PRKRIP1: variants seen among roughly 807,000 people sequenced by gnomAD.
PRKRIP1 encodes PRKR interacting protein 1, also known as PRKR-interacting protein 1.
In PRKRIP1, 29 loss-of-function variants were observed where a neutral mutation model predicts 29.3. The observed-to-expected ratio is 0.99, with a 90% CI of 0.74 to 1.35. PRKRIP1 has a LOEUF of 1.35. PRKRIP1 is among the 40% of genes most tolerant of loss of function. PRKRIP1 has a pLI of 0.00. For missense variants in PRKRIP1, 247 were observed against 236.8 expected, an observed-to-expected ratio of 1.04 and a Z score of -0.28; for synonymous variants, 90 against 85.1, an observed-to-expected ratio of 1.06 and a Z score of -0.32.
At chr7:102,399,492 G>A in intron 2 of PRKRIP1, 56 bp from the exon 3 acceptor site, 2 of 1,405,122 alleles carry the variant, frequency 1.4e-6, no homozygotes, top group South Asian at 1.2e-5. Flanking sequence ...TCGATTAAGG[G>A]TGACCTGTGT....
At chr7:102,407,764 G>T (rs1770532631) in intron 5 of PRKRIP1, among the ~76,000 whole-genome samples, 2 of 151,858 alleles carry the variant, frequency 1.3e-5, no homozygotes, top group South Asian at 4.1e-4. Flanking sequence ...TGACATTATT[G>T]GTTATTGACA....
chr7:102,419,542 T>G (rs1232874114), intron 5 of PRKRIP1, among the ~76,000 whole-genome samples: 1 of 152,170 alleles, frequency 6.6e-6, no homozygotes, highest in African/African-American at 2.4e-5. Context: ...CTAAAACAAT[T>G]CCGTGTTTCC....
intron 5 of PRKRIP1, among the ~76,000 whole-genome samples, chr7:102,410,216 T>A (rs1796344389): frequency 6.6e-6 from 1 of 152,192 alleles, no homozygotes; most frequent in Admixed American, 6.5e-5. Flanking sequence ...CTTGGCTGTC[T>A]TTCTTGGGCA....
intron 5 of PRKRIP1, among the ~76,000 whole-genome samples, chr7:102,418,451 C>G (rs1212428486): frequency 2.0e-5 from 3 of 152,174 alleles, no homozygotes; most frequent in African/African-American, 4.8e-5. Context: ...TAGGCTCTCT[C>G]AGCTGACAGA....
chr7:102,396,451 C>T lies in PRKRIP1; in HGVS notation c.40C>T (p.Pro14Ser), dbSNP rs1795898908. ...CGCCTCCTCGGTGCGACCACCGAGG[C>T]CCAAGAAAGAGCCGCAGACGCTCGT... ...PAASSVRPPR[P>S]KKEPQTLVIP... The change falls in exon 1 of 6, where the codon CCC (proline) becomes TCC (serine). Residue 14 changes from proline (P) to serine (S), a missense_variant. This residue lies in a region of PRKRIP1 where 105 missense variants were observed against 80.2 expected (regional missense o/e 1.31). Coordinates refer to ENST00000397912, the MANE Select transcript of PRKRIP1 (RefSeq NM_024653.4). The T allele has an allele frequency of 6.2e-7, 1 of 1,606,136 alleles. No homozygotes were observed. The highest frequency in any genetic ancestry group is 1.3e-5 in the African/African-American group (1 of 74,564).
At chr7:102,412,083 A>G (rs1326980427) in intron 5 of PRKRIP1, among the ~76,000 whole-genome samples, 1 of 151,328 alleles carries the variant, frequency 6.6e-6, no homozygotes, top group Non-Finnish European at 1.5e-5. Context: ...GTGTTTCACC[A>G]TGTTGGCCAG....
At chr7:102,409,143 C>T (rs1796308513) in intron 5 of PRKRIP1, among the ~76,000 whole-genome samples, 1 of 152,106 alleles carries the variant, frequency 6.6e-6, no homozygotes, top group African/African-American at 2.4e-5. Context: ...CATTGCACTT[C>T]AGCCTGGGTG....
At chr7:102,422,383 A>G (rs1796718047) in intron 5 of PRKRIP1, among the ~76,000 whole-genome samples, 1 of 150,150 alleles carries the variant, frequency 6.7e-6, no homozygotes, top group Non-Finnish European at 1.5e-5. Context: ...TGCCCAGGCT[A>G]GAGTGAAGTG....
chr7:102,404,476 C>T (rs909988061), intron 3 of PRKRIP1, 122 bp from the exon 4 acceptor site: 6 of 747,218 alleles, frequency 8.0e-6, no homozygotes, highest in African/African-American at 1.7e-5. Context: ...CCTGGGGACC[C>T]GGGTAGTGCC....
chr7:102,403,111 G>A (rs1049289711), intron 3 of PRKRIP1, among the ~76,000 whole-genome samples: 1 of 152,166 alleles, frequency 6.6e-6, no homozygotes, highest in Admixed American at 6.6e-5. Flanking sequence ...TGGACCTCAG[G>A]TGATCTGCCC....
intron 5 of PRKRIP1, among the ~76,000 whole-genome samples, chr7:102,416,414 G>T (rs1554573114): frequency 6.6e-6 from 1 of 152,196 alleles, no homozygotes; most frequent in Non-Finnish European, 1.5e-5. Context: ...TTTACCTGCT[G>T]CCCTTTTCTT....
intron 1 of PRKRIP1, 40 bp from the exon 2 acceptor site, chr7:102,397,580 C>T (rs781948002): frequency 5.2e-6 from 8 of 1,528,086 alleles, no homozygotes; most frequent in Non-Finnish European, 7.2e-6. Context: ...ATTTTGTCAA[C>T]AGGTTTATAC....
chr7:102,419,891 G>A (rs1796649981), intron 5 of PRKRIP1, among the ~76,000 whole-genome samples: 1 of 132,576 alleles, frequency 7.5e-6, no homozygotes, highest in Non-Finnish European at 1.6e-5. Context: ...GTGTGTGTGT[G>A]TGTGTTTTTG....
At position 102,396,440 on chromosome 7, in the gene PRKRIP1, G is replaced by C. The variant is rs782200910; in HGVS notation, c.29G>C (p.Arg10Pro). The C allele has an allele frequency of 8.2e-6, 13 of 1,593,946 alleles. No individual in the cohort carries two copies. The highest frequency in any genetic ancestry group is 1.8e-5 in the Admixed American group (1 of 54,400). MASPAASSV[R>P]PPRPKKEPQT... ...GCTAGCCCAGCCGCCTCCTCGGTGC[G>C]ACCACCGAGGCCCAAGAAAGAGCCG... is the stretch of plus-strand genomic sequence containing the variant. The change falls in exon 1 of 6, where the codon CGA becomes CCA. Residue 10 changes from arginine (R) to proline (P), a missense_variant. Physicochemically the swap from Arg to Pro is moderately radical, Grantham distance 103. Coordinates refer to ENST00000397912, the MANE Select transcript of PRKRIP1 (RefSeq NM_024653.4).
At chr7:102,403,464 A>C (rs1248490120) in intron 3 of PRKRIP1, among the ~76,000 whole-genome samples, 1 of 152,150 alleles carries the variant, frequency 6.6e-6, no homozygotes, top group Non-Finnish European at 1.5e-5. Context: ...AAGAGATGAC[A>C]CTTTGAATCA....
At chr7:102,423,132 T>TTTTTTTTTTTTTTG in intron 5 of PRKRIP1, 1 of 453,062 alleles carries the variant, frequency 2.2e-6, no homozygotes, top group Non-Finnish European at 4.4e-6. Flanking sequence ...TTTTTTTTTT[T>TTTTTTTTTTTTTTG]GAGACAGAGT....
chr7:102,412,070 A>G (rs1796400347), intron 5 of PRKRIP1, among the ~76,000 whole-genome samples: 1 of 150,988 alleles, frequency 6.6e-6, no homozygotes, highest in South Asian at 2.1e-4. Context: ...TTTAGTAGAG[A>G]TGGTGTTTCA....
chr7:102,425,090 C>T lies in PRKRIP1; in HGVS notation c.534C>T (p.Pro178=). The T allele has an allele frequency of 6.2e-7, 1 of 1,613,014 alleles. No homozygotes were observed. The highest frequency in any genetic ancestry group is 1.1e-5 in the South Asian group (1 of 91,010). ...ASGTEEEEEV[P]SFTMGR is the part of the protein sequence containing the mutation. ...GAACAGAGGAGGAGGAGGAAGTGCCCAGTTTCACCATGGGGCGATGACAAT... is the reference window on the plus strand; with the variant it reads ...GAACAGAGGAGGAGGAGGAAGTGCCTAGTTTCACCATGGGGCGATGACAAT... The change falls in exon 6 of 6, where the codon CCC becomes CCT. Residue 178 remains proline, a synonymous_variant. Transcript: ENST00000397912.
intron 3 of PRKRIP1, among the ~76,000 whole-genome samples, chr7:102,403,202 G>C (rs1012648857): frequency 3.9e-5 from 6 of 152,128 alleles, no homozygotes; most frequent in African/African-American, 1.4e-4. Context: ...AAGCAAATCA[G>C]ATCTTTTAGA....
Sources: allele counts gnomAD v4.1 joint callset (sites outside exome capture counted in the v4.1 genomes callset), GRCh38; gene constraint gnomAD v4.1.1; regional missense constraint gnomAD v4.1.1; transcripts MANE v1.5; gene names NCBI Gene and HGNC (gene_info 2026-07-23, HGNC 2026-07-21).